The following AFAP1L1 variants were observed in gnomAD, a reference collection of about 807,000 sequenced individuals.
The protein encoded by AFAP1L1 is actin filament associated protein 1 like 1, also known as actin filament-associated protein 1-like 1.
Under a neutral mutation model 99.8 loss-of-function variants are expected in AFAP1L1, and 77 were observed. The ratio of observed to expected loss-of-function variants is 0.77; its 90% CI spans 0.64 to 0.93. The LOEUF (loss-of-function observed/expected upper bound fraction) is 0.93, where lower values mean the gene tolerates loss of function less well. Ranked by LOEUF, AFAP1L1 falls within the 40% of genes least tolerant of loss-of-function variation. AFAP1L1 has a pLI of 0.00. For synonymous variants in AFAP1L1, 373 were observed against 395.3 expected, an observed-to-expected ratio of 0.94 and a Z score of 0.67; for missense variants, 893 against 996.8, an observed-to-expected ratio of 0.90 and a Z score of 1.40.
At chr5:149,333,045 G>A (rs937790271) in intron 17 of AFAP1L1, among the ~76,000 whole-genome samples, 172 bp downstream of exon 17, 1 of 152,342 alleles carries the variant, frequency 6.6e-6, no homozygotes, top group East Asian at 1.9e-4. Context: ...GCTAGGAAGA[G>A]GACTCTTGGA....
chr5:149,322,688 C>A lies in AFAP1L1; in HGVS notation c.1781C>A (p.Pro594Gln). The change falls in exon 15 of 19, where the codon CCG becomes CAG. Residue 594 changes from proline (P) to glutamine (Q), a missense_variant. By Grantham distance (76) the Pro-to-Gln change is moderately conservative. Coordinates refer to ENST00000296721, the MANE Select transcript of AFAP1L1 (RefSeq NM_152406.4). Reference sequence around the variant, plus strand: ...AGTGAGAAGTCCCATCGTGTGGACCCGCAGGTCAAAGTCAAACGCCACGCC... The same window carrying A: ...AGTGAGAAGTCCCATCGTGTGGACCAGCAGGTCAAAGTCAAACGCCACGCC... Reference protein sequence around the residue: ...SCSEKSHRVDPQVKVKRHASS... With the variant: ...SCSEKSHRVDQQVKVKRHASS... 6.3e-7 allele frequency: 1 copy of A among 1,590,914 alleles called. No individual in the cohort carries two copies. Among genetic ancestry groups the A allele is most frequent in the East Asian group, 2.3e-5 (1 of 43,976 alleles).
chr5:149,342,039 A>G lies in AFAP1L1; in HGVS notation c.*2009A>G, dbSNP rs931853350. On this transcript the variant is annotated 3_prime_UTR_variant, in exon 19 of 19. Transcript: ENST00000296721. ...AATTAACATTTATCAAGCACTCACC[A>G]TATGTCAGGCACTGTGTCAGCCATG... 6.6e-6 allele frequency among the ~76,000 whole-genome samples: 1 copy of G among 152,196 alleles called. No individual in the cohort carries two copies. The highest frequency in any genetic ancestry group is 2.4e-5 in the African/African-American group (1 of 41,440).
rs1301597729 is a variant in AFAP1L1, at chr5:149,316,143, C to T, written c.1115-8C>T. ...TCCCTCCACTCCCCTGACCCATTTCCCCAACAGGCAAAGGGAAGAAGAGCA... is the reference window on the plus strand; with the variant it reads ...TCCCTCCACTCCCCTGACCCATTTCTCCAACAGGCAAAGGGAAGAAGAGCA... On this transcript the variant is annotated splice_polypyrimidine_tract_variant and splice_region_variant and intron_variant, in intron 10 of 18. Transcript: ENST00000296721. 3 of 1,611,580 alleles carry T rather than the reference C, an allele frequency of 1.9e-6. No individual in the cohort carries two copies. In the East Asian group the frequency reaches 6.7e-5, roughly 36 times the overall value.
chr5:149,290,286 C>T (rs1755810913), intron 1 of AFAP1L1, among the ~76,000 whole-genome samples: 5 of 152,128 alleles, frequency 3.3e-5, no homozygotes, highest in South Asian at 2.1e-4. Flanking sequence ...AAGCAGAATA[C>T]GTCTTATAGT....
intron 1 of AFAP1L1, among the ~76,000 whole-genome samples, chr5:149,296,195 A>C (rs539300405): frequency 5.9e-5 from 9 of 152,134 alleles, no homozygotes; most frequent in Non-Finnish European, 1.3e-4. Flanking sequence ...CACCACTCCC[A>C]GCTAATTTTT....
intron 1 of AFAP1L1, among the ~76,000 whole-genome samples, chr5:149,273,906 T>C (rs910470748): frequency 5.9e-5 from 9 of 151,726 alleles, no homozygotes; most frequent in African/African-American, 2.2e-4. Flanking sequence ...GAAAGTGCAC[T>C]GTGTCATCCT....
At chr5:149,279,330 A>C (rs1483869301) in intron 1 of AFAP1L1, among the ~76,000 whole-genome samples, 1 of 151,814 alleles carries the variant, frequency 6.6e-6, no homozygotes, top group East Asian at 1.9e-4. Context: ...AAAGAGTCAA[A>C]GTTTGAGTGA....
At chr5:149,296,633 C>T (rs1020812892) in intron 1 of AFAP1L1, among the ~76,000 whole-genome samples, 9 of 152,326 alleles carry the variant, frequency 5.9e-5, no homozygotes, top group African/African-American at 2.2e-4. Context: ...GGAACAATCT[C>T]TTATTCATTT....
chr5:149,300,476 G>C (rs965494532), intron 3 of AFAP1L1, 122 bp downstream of exon 3: 86 of 776,882 alleles, frequency 1.1e-4, no homozygotes, highest in Non-Finnish European at 1.6e-4. Flanking sequence ...CTTTGGGCCA[G>C]TCCTTGGCCC....
At chr5:149,290,887 C>T (rs1693900) in intron 1 of AFAP1L1, among the ~76,000 whole-genome samples, 9 of 152,172 alleles carry the variant, frequency 5.9e-5, no homozygotes, top group Middle Eastern at 3.2e-3. Flanking sequence ...AAACATTTGC[C>T]CTATGTTTGG....
intron 7 of AFAP1L1, among the ~76,000 whole-genome samples, chr5:149,307,848 C>CTCTCTCTCTCTCTCTCTCTCTCTCTG (rs1756480486): frequency 6.8e-6 from 1 of 147,474 alleles, no homozygotes; most frequent in Non-Finnish European, 1.5e-5. Flanking sequence ...CTCTCTCTCT[C>CTCTCTCTCTCTCTCTCTCTCTCTCTG]TCTCTCTCTT....
intron 1 of AFAP1L1, among the ~76,000 whole-genome samples, chr5:149,293,933 G>A (rs1275947629): frequency 1.3e-5 from 2 of 152,102 alleles, no homozygotes; most frequent in Non-Finnish European, 2.9e-5. Context: ...CAATATACAT[G>A]GGTCCGACCC....
intron 1 of AFAP1L1, among the ~76,000 whole-genome samples, chr5:149,275,950 G>A (rs917708458): frequency 6.6e-6 from 1 of 152,202 alleles, no homozygotes; most frequent in Non-Finnish European, 1.5e-5. Flanking sequence ...GCATTTGGGA[G>A]GGACAAAATT....
chr5:149,297,031 A>G (rs575294168), intron 1 of AFAP1L1, among the ~76,000 whole-genome samples: 68 of 152,308 alleles, frequency 4.5e-4, no homozygotes, highest in African/African-American at 1.5e-3. Flanking sequence ...GGTCTCTCCC[A>G]TGATACGTGG....
intron 1 of AFAP1L1, among the ~76,000 whole-genome samples, chr5:149,293,801 T>C (rs1755935029): frequency 1.3e-5 from 2 of 152,206 alleles, no homozygotes. Flanking sequence ...TAACCTTACC[T>C]AGTTTTCCAG....
At chr5:149,318,252 A>G (rs1281482919) in intron 12 of AFAP1L1, among the ~76,000 whole-genome samples, 1 of 152,254 alleles carries the variant, frequency 6.6e-6, no homozygotes, top group Admixed American at 6.5e-5. Context: ...TTCAAATTAA[A>G]CAAAACATTC....
At chr5:149,316,572 A>G (rs1352963979) in intron 11 of AFAP1L1, among the ~76,000 whole-genome samples, 1 of 152,176 alleles carries the variant, frequency 6.6e-6, no homozygotes, top group Non-Finnish European at 1.5e-5. Context: ...ATCACTGCCC[A>G]TCCCTGGGCC....
At position 149,340,363 on chromosome 5, in the gene AFAP1L1, A is replaced by C; in HGVS notation, c.*333A>C. On this transcript the variant is annotated 3_prime_UTR_variant, in exon 19 of 19. Coordinates refer to ENST00000296721, the MANE Select transcript of AFAP1L1 (RefSeq NM_152406.4). ...GAAGAAGTAATGAAAGCACATGTGA[A>C]TAACCCCTTCCATCCCATTCACAGC... 1 of 265,048 alleles carries C rather than the reference A, an allele frequency of 3.8e-6. No individual in the cohort carries two copies. The highest frequency in any genetic ancestry group is 7.5e-6 in the Non-Finnish European group (1 of 133,730). 16.4% of individuals were successfully genotyped at this position (265,048 alleles called of 1,614,324 possible). A position where few individuals can be genotyped will look rare whatever the true frequency, so the allele number is the denominator to read the frequency against.
chr5:149,319,492 C>A, intron 12 of AFAP1L1, 90 bp from the exon 13 acceptor site: 3 of 1,460,714 alleles, frequency 2.1e-6, no homozygotes, highest in Non-Finnish European at 2.8e-6. Flanking sequence ...TCAGTACTTA[C>A]AAATATTTCT....
Sources: gnomAD v4.1 joint callset for allele counts (sites outside exome capture counted in the v4.1 genomes callset) on GRCh38, gnomAD v4.1.1 for gene constraint, MANE v1.5 for transcripts, NCBI Gene and HGNC (gene_info 2026-07-23, HGNC 2026-07-21) for gene names.